Variants in PTPRD observed in about 807,000 individuals in gnomAD.
The protein encoded by PTPRD is protein tyrosine phosphatase receptor type D, also known as receptor-type tyrosine-protein phosphatase delta.
A neutral mutation model predicts 214.5 loss-of-function variants in PTPRD; 34 were observed. That is an observed-to-expected ratio of 0.16 (90% CI 0.12 to 0.21). The LOEUF (loss-of-function observed/expected upper bound fraction) is 0.21. Among genes scored for constraint, PTPRD ranks in the 10% least tolerant of loss-of-function variants. The pLI is 1.00. For synonymous variants in PTPRD, 1,128 were observed against 845.7 expected (o/e 1.33, Z -5.79); for missense variants, 2,545 against 2,398.7 (o/e 1.06, Z -1.27).
At chr9:9,971,084 T>A (rs1006583602) in intron 4 of PTPRD, among the ~76,000 whole-genome samples, 1 of 152,172 alleles carries the variant, frequency 6.6e-6, no homozygotes, top group African/African-American at 2.4e-5. Flanking sequence ...ATTGGTTCTA[T>A]TTGTCACCCT....
chr9:8,527,431 C>A, intron 15 of PTPRD, 78 bp from the exon 16 acceptor site: 2 of 1,386,678 alleles, frequency 1.4e-6, no homozygotes, highest in Non-Finnish European at 1.0e-6. Context: ...ACAAATTTTT[C>A]AGAGTTAAAG....
intron 7 of PTPRD, among the ~76,000 whole-genome samples, chr9:9,664,143 T>C (rs1159226385): frequency 6.8e-6 from 1 of 147,658 alleles, no homozygotes; most frequent in Non-Finnish European, 1.5e-5. Flanking sequence ...GAGCTATGAG[T>C]TACACGTAAA....
chr9:10,168,390 A>G (rs944835225), intron 3 of PTPRD, among the ~76,000 whole-genome samples: 19 of 152,044 alleles, frequency 1.2e-4, no homozygotes, highest in African/African-American at 4.6e-4. Flanking sequence ...CTGTGTAATG[A>G]TCTACACTAT....
intron 7 of PTPRD, among the ~76,000 whole-genome samples, chr9:9,637,515 T>A (rs2095808611): frequency 6.6e-6 from 1 of 152,226 alleles, no homozygotes; most frequent in Admixed American, 6.5e-5. Flanking sequence ...TTGAACTTAA[T>A]CTTCCTTTAC....
At chr9:8,969,622 TAA>T (rs2099223860) in intron 11 of PTPRD, among the ~76,000 whole-genome samples, 1 of 151,756 alleles carries the variant, frequency 6.6e-6, no homozygotes, top group Non-Finnish European at 1.5e-5. Flanking sequence ...AGTATGCAAA[TAA>T]AACTTATTAG....
chr9:10,421,621 A>T (rs2098546537), intron 2 of PTPRD, among the ~76,000 whole-genome samples: 1 of 151,908 alleles, frequency 6.6e-6, no homozygotes, highest in Non-Finnish European at 1.5e-5. Flanking sequence ...TCTACAAAGC[A>T]TTGCATACCA....
intron 7 of PTPRD, among the ~76,000 whole-genome samples, chr9:9,716,125 T>C (rs931631764): frequency 6.6e-6 from 1 of 152,114 alleles, no homozygotes; most frequent in African/African-American, 2.4e-5. Context: ...GTTCTTGCGA[T>C]AGTTTACTGA....
chr9:10,102,717 T>C (rs1281080894), intron 3 of PTPRD, among the ~76,000 whole-genome samples: 6 of 151,614 alleles, frequency 4.0e-5, no homozygotes, highest in Admixed American at 1.3e-4. Flanking sequence ...TTCACTCTGA[T>C]ATATGTCTTC....
In PTPRD at chr9:9,640,322, G is replaced by T. The variant is rs534298819; in HGVS notation, c.-286-65541C>A. 2.6e-5 allele frequency among the ~76,000 whole-genome samples: 4 copies of T among 152,312 alleles called. No individual in the cohort carries two copies. In the East Asian group the frequency reaches 5.8e-4, roughly 22 times the overall value. On this transcript the variant is annotated intron_variant, in intron 7 of 45. Transcript: ENST00000381196. The stretch of plus-strand genomic sequence containing the variant: ...GAACAGTTTTTGAAGCTGAGCCAAT[G>T]TAAGATCCTAAGTCTGGTGTAGTCA...
chr9:9,411,905 G>C (rs189884981), intron 8 of PTPRD, among the ~76,000 whole-genome samples: 3 of 152,012 alleles, frequency 2.0e-5, no homozygotes, highest in Non-Finnish European at 4.4e-5. Flanking sequence ...CAAGCAAGAG[G>C]GACCTGTGGA....
intron 5 of PTPRD, among the ~76,000 whole-genome samples, chr9:9,869,611 A>G (rs576792932): frequency 4.4e-4 from 67 of 152,248 alleles, no homozygotes; most frequent in African/African-American, 1.6e-3. Context: ...TTGAAAAAGT[A>G]AAAGACAATA....
intron 2 of PTPRD, among the ~76,000 whole-genome samples, chr9:10,488,366 C>CAA (rs59842348): frequency 6.3e-4 from 43 of 68,250 alleles, no homozygotes; most frequent in African/African-American, 1.0e-3. Context: ...GACTCTGTCT[C>CAA]AAAAAAAAAA....
intron 25 of PTPRD, among the ~76,000 whole-genome samples, chr9:8,498,305 C>T (rs1345750616): frequency 6.6e-6 from 1 of 152,102 alleles, no homozygotes; most frequent in Non-Finnish European, 1.5e-5. Flanking sequence ...GAGATGCAAT[C>T]TTCCTCTGTT....
At chr9:9,392,041 C>G (rs1224481469) in intron 9 of PTPRD, among the ~76,000 whole-genome samples, 2 of 152,052 alleles carry the variant, frequency 1.3e-5, no homozygotes, top group African/African-American at 4.8e-5. Flanking sequence ...GTGGAAAGTA[C>G]CAAATTTATA....
chr9:9,440,612 A>G (rs1041719253), intron 8 of PTPRD, among the ~76,000 whole-genome samples: 3 of 152,218 alleles, frequency 2.0e-5, no homozygotes, highest in African/African-American at 7.2e-5. Flanking sequence ...TACTGGATTC[A>G]GCAGTATCTA....
At chr9:9,876,191 T>C (rs1476119015) in intron 5 of PTPRD, among the ~76,000 whole-genome samples, 1 of 152,116 alleles carries the variant, frequency 6.6e-6, no homozygotes, top group African/African-American at 2.4e-5. Context: ...GGGATAGAGT[T>C]AGATTTCACA....
At position 10,538,214 on chromosome 9, in the gene PTPRD, T is replaced by C. The variant is rs542077523; in HGVS notation, c.-600+74184A>G. ...CTTGGCCATGAGACGACACTGTGGA[T>C]AGAGAGGTGAGAAAGCCTCATCATA... On this transcript the variant is annotated intron_variant, in intron 2 of 45. Transcript: ENST00000381196. Among the ~76,000 whole-genome samples, 18 of 150,796 alleles carry C rather than the reference T, an allele frequency of 1.2e-4. 1 individual carries two copies. The East Asian group carries it at 3.5e-3, about 29-fold the overall frequency.
At chr9:9,263,870 G>A (rs1463171732) in intron 9 of PTPRD, among the ~76,000 whole-genome samples, 1 of 151,484 alleles carries the variant, frequency 6.6e-6, no homozygotes, top group East Asian at 2.0e-4. Context: ...GTGTCTGGGT[G>A]CAATATACCC....
intron 2 of PTPRD, among the ~76,000 whole-genome samples, chr9:10,429,898 T>C (rs974709265): frequency 6.6e-6 from 1 of 151,830 alleles, no homozygotes; most frequent in South Asian, 2.1e-4. Flanking sequence ...CACAGGGAGG[T>C]TATATAATTT....
Sources: allele counts gnomAD v4.1 joint callset (sites outside exome capture counted in the v4.1 genomes callset), GRCh38; gene constraint gnomAD v4.1.1; transcripts MANE v1.5; gene names NCBI Gene and HGNC (gene_info 2026-07-23, HGNC 2026-07-21).